The following KLHL1 variants were observed in gnomAD, a reference collection of about 807,000 sequenced individuals.
The protein encoded by KLHL1 is kelch like family member 1, also known as kelch-like protein 1.
KLHL1 carries 47 observed loss-of-function variants against 77.7 expected under a neutral mutation model. The ratio of observed to expected loss-of-function variants is 0.60; its 90% CI spans 0.48 to 0.77. The LOEUF (loss-of-function observed/expected upper bound fraction) is 0.77. Ranked by LOEUF, KLHL1 falls within the 30% of genes least tolerant of loss-of-function variation. KLHL1 has a pLI of 0.00. For missense variants in KLHL1, 925 were observed against 910.8 expected (o/e 1.02, Z -0.20); for synonymous variants, 360 against 325.2 (o/e 1.11, Z -1.15).
At chr13:69,855,377 T>G (rs879869500) in intron 5 of KLHL1, among the ~76,000 whole-genome samples, 2,564 of 114,416 alleles carry the variant, frequency 0.022, 56 homozygotes, top group Non-Finnish European at 0.03. Flanking sequence ...GAGAGATAGA[T>G]CTATAGATAG....
At chr13:69,828,777 G>A (rs1878644832) in intron 6 of KLHL1, among the ~76,000 whole-genome samples, 1 of 149,690 alleles carries the variant, frequency 6.7e-6, no homozygotes, top group South Asian at 2.1e-4. Context: ...GCCTGTCATT[G>A]CCAGCTTTCC....
At chr13:69,811,652 A>G (rs967440793) in intron 6 of KLHL1, among the ~76,000 whole-genome samples, 4 of 152,148 alleles carry the variant, frequency 2.6e-5, no homozygotes, top group African/African-American at 9.6e-5. Flanking sequence ...TTACAGAAAT[A>G]AAAGACATCC....
chr13:69,729,206 G>A (rs7335468), intron 8 of KLHL1, among the ~76,000 whole-genome samples: 7,978 of 152,114 alleles, frequency 0.052, 361 homozygotes, highest in African/African-American at 0.12. Flanking sequence ...TTCACCAAGT[G>A]AGTCTGGCTG....
chr13:69,938,134 AT>A (rs1285234827), intron 4 of KLHL1, among the ~76,000 whole-genome samples: 1 of 152,142 alleles, frequency 6.6e-6, no homozygotes, highest in Non-Finnish European at 1.5e-5. Context: ...ATATGTGATG[AT>A]AAATCACATT....
At chr13:69,990,241 C>T (rs1028925637) in intron 1 of KLHL1, among the ~76,000 whole-genome samples, 2 of 151,910 alleles carry the variant, frequency 1.3e-5, no homozygotes, top group Admixed American at 6.6e-5. Flanking sequence ...AGACAGTGAC[C>T]TTATAAAGCA....
chr13:69,993,441 C>A lies in KLHL1; in HGVS notation c.498-17639G>T, dbSNP rs886976769. Among the ~76,000 whole-genome samples, 19 of 152,058 alleles carry A rather than the reference C, an allele frequency of 1.2e-4. 1 individual carries two copies. The highest frequency in any genetic ancestry group is 9.2e-4 in the Admixed American group (14 of 15,232). On this transcript the variant is annotated intron_variant, in intron 1 of 10. Coordinates refer to ENST00000377844, the MANE Select transcript of KLHL1 (RefSeq NM_020866.3). ...CATAAATAAGGAATCAATCTCCAGG[C>A]TGGTCACTCCTGGATTCTTTAGTTC...
chr13:69,728,019 A>T (rs2137908901), intron 8 of KLHL1, among the ~76,000 whole-genome samples: 1 of 152,212 alleles, frequency 6.6e-6, no homozygotes, highest in African/African-American at 2.4e-5. Flanking sequence ...TCCATTCTGG[A>T]TATCTAATAA....
intron 2 of KLHL1, among the ~76,000 whole-genome samples, chr13:69,971,780 T>C (rs943300637): frequency 3.9e-5 from 6 of 152,078 alleles, no homozygotes; most frequent in Non-Finnish European, 8.8e-5. Flanking sequence ...CTCAAGTATA[T>C]TGAAAACTCT....
intron 1 of KLHL1, among the ~76,000 whole-genome samples, chr13:70,036,628 T>C: frequency 6.6e-6 from 1 of 151,938 alleles, no homozygotes; most frequent in East Asian, 1.9e-4. Flanking sequence ...CTCAATGTGA[T>C]TTTTGAGTTT....
chr13:69,974,897 A>G (rs1301867888), intron 2 of KLHL1, among the ~76,000 whole-genome samples: 1 of 152,068 alleles, frequency 6.6e-6, no homozygotes, highest in Non-Finnish European at 1.5e-5. Context: ...AATAAAATCA[A>G]TAATATAAAA....
At chr13:69,740,640 T>C in intron 7 of KLHL1, 84 bp from the exon 8 acceptor site, 1 of 945,622 alleles carries the variant, frequency 1.1e-6, no homozygotes, top group Non-Finnish European at 1.5e-6. Flanking sequence ...GTAGATCTCA[T>C]GTTAAGTGTC....
At chr13:69,760,798 G>C (rs1779248833) in intron 7 of KLHL1, among the ~76,000 whole-genome samples, 1 of 152,186 alleles carries the variant, frequency 6.6e-6, no homozygotes, top group African/African-American at 2.4e-5. Flanking sequence ...GAGCCTAAGG[G>C]GGGAGTCCTC....
At chr13:69,930,140 T>C (rs1417380115) in intron 4 of KLHL1, among the ~76,000 whole-genome samples, 1 of 151,896 alleles carries the variant, frequency 6.6e-6, no homozygotes, top group African/African-American at 2.4e-5. Context: ...GTTTAGCTTA[T>C]GTTTATTAGC....
intron 1 of KLHL1, among the ~76,000 whole-genome samples, chr13:70,095,734 T>C (rs1887773712): frequency 2.0e-5 from 3 of 152,134 alleles, no homozygotes; most frequent in African/African-American, 7.2e-5. Flanking sequence ...TAAATTATTG[T>C]TAACTATAGT....
At chr13:70,014,819 G>A (rs1389328538) in intron 1 of KLHL1, among the ~76,000 whole-genome samples, 1 of 152,028 alleles carries the variant, frequency 6.6e-6, no homozygotes, top group Non-Finnish European at 1.5e-5. Context: ...TTGCTTTTGT[G>A]GGAAAAACAT....
rs375572650 is a variant in KLHL1 at position 69,719,444 on chromosome 13, C to G, written c.1940G>C (p.Gly647Ala). The change falls in exon 9 of 11, where the codon GGT becomes GCT. Residue 647 changes from glycine to alanine, a missense_variant. Gly to Ala is a moderately conservative substitution (Grantham distance 60). Coordinates refer to ENST00000377844, the MANE Select transcript of KLHL1 (RefSeq NM_020866.3). ...ATGACCTCCTACTGCATAAAGAAAACCGTCACATGTGGCCACTCCGACACC... is the reference window on the plus strand; with the variant it reads ...ATGACCTCCTACTGCATAAAGAAAAGCGTCACATGTGGCCACTCCGACACC... ...RGGVGVATCD[G>A]FLYAVGGHDA... 45 of 1,613,580 alleles carry G rather than the reference C, an allele frequency of 2.8e-5. No individual in the cohort carries two copies. The highest frequency in any genetic ancestry group is 3.8e-5 in the Non-Finnish European group (45 of 1,179,762).
At chr13:69,755,944 C>G (rs1045714163) in intron 7 of KLHL1, among the ~76,000 whole-genome samples, 3 of 152,108 alleles carry the variant, frequency 2.0e-5, no homozygotes, top group African/African-American at 7.2e-5. Context: ...TTTTGATTCT[C>G]GCTGTGTGAA....
At chr13:69,873,445 A>G (rs892202273) in intron 5 of KLHL1, among the ~76,000 whole-genome samples, 4 of 152,168 alleles carry the variant, frequency 2.6e-5, no homozygotes, top group Non-Finnish European at 4.4e-5. Context: ...AATTTATCTG[A>G]GTGACAAGAT....
At position 69,985,776 on chromosome 13, in the gene KLHL1, A is replaced by T. The variant is rs965139709; in HGVS notation, c.498-9974T>A. On this transcript the variant is annotated intron_variant, in intron 1 of 10. Transcript: ENST00000377844. ...AAATGGATAAACAAAAATGTGATCC[A>T]TATATATATATATATATTTTATATA... 3.6e-4 allele frequency among the ~76,000 whole-genome samples: 32 copies of T among 88,490 alleles called. 1 individual carries two copies. The highest frequency in any genetic ancestry group is 2.9e-4 in the Non-Finnish European group (14 of 48,790). 58.1% of individuals were successfully genotyped at this position (88,490 alleles called of 152,430 possible). A position where few individuals can be genotyped will look rare whatever the true frequency, so the allele number is the denominator to read the frequency against.
Sources: gnomAD v4.1 joint callset for allele counts (sites outside exome capture counted in the v4.1 genomes callset) on GRCh38, gnomAD v4.1.1 for gene constraint, MANE v1.5 for transcripts, NCBI Gene and HGNC (gene_info 2026-07-23, HGNC 2026-07-21) for gene names.